Variants in HUWE1 observed in about 807,000 individuals in gnomAD.
HUWE1 encodes the protein HECT, UBA and WWE domain containing E3 ubiquitin protein ligase 1.
HUWE1 carries 18 observed loss-of-function variants against 299.4 expected under a neutral mutation model. The ratio of observed to expected loss-of-function variants is 0.06; its 90% CI spans 0.04 to 0.09. The LOEUF (loss-of-function observed/expected upper bound fraction) is 0.09, where lower values mean the gene tolerates loss of function less well. Among genes scored for constraint, HUWE1 ranks in the 10% least tolerant of loss-of-function variants. The pLI, the probability that HUWE1 is intolerant of heterozygous loss-of-function variation, is 1.00. For missense variants in HUWE1, 1,832 were observed against 3,462.3 expected (o/e 0.53, Z 11.82); for synonymous variants, 1,317 against 1,286.1 (o/e 1.02, Z -0.51).
intron 49 of HUWE1, among the ~76,000 whole-genome samples, chrX:53,568,162 G>T (rs2062658098): frequency 8.9e-6 from 1 of 112,042 alleles, no homozygotes; most frequent in Non-Finnish European, 1.9e-5. Flanking sequence ...TTCTGGTTTG[G>T]AGAAAAATGC....
chrX:53,618,540 A>G (rs2148869605), intron 19 of HUWE1, among the ~76,000 whole-genome samples: 1 of 110,449 alleles, frequency 9.1e-6, no homozygotes, highest in South Asian at 3.8e-4. Context: ...GTGACAGCAA[A>G]GCAGACTAGA....
At chrX:53,665,736 A>T (rs782570443) in intron 3 of HUWE1, among the ~76,000 whole-genome samples, 1 of 112,826 alleles carries the variant, frequency 8.9e-6, no homozygotes, top group African/African-American at 3.2e-5. Flanking sequence ...AACAAAAAAT[A>T]AAAACAGCAA....
intron 2 of HUWE1, among the ~76,000 whole-genome samples, chrX:53,683,004 C>G (rs1557054078): frequency 9.0e-6 from 1 of 111,677 alleles, no homozygotes; most frequent in Non-Finnish European, 1.9e-5. Context: ...CAGAGTCATA[C>G]AAACATGAAG....
chrX:53,535,231 A>G (rs1214183133), intron 81 of HUWE1, among the ~76,000 whole-genome samples, 153 bp downstream of exon 81: 1 of 112,180 alleles, frequency 8.9e-6, no homozygotes, highest in East Asian at 2.8e-4. Context: ...CACCGTGCCC[A>G]AAGTTAAGTA....
chrX:53,652,185 T>C (rs1557040561), intron 4 of HUWE1, among the ~76,000 whole-genome samples: 1 of 112,361 alleles, frequency 8.9e-6, no homozygotes, highest in Non-Finnish European at 1.9e-5. Flanking sequence ...CTTTTTAATT[T>C]TGGATACAGT....
chrX:53,670,399 T>C (rs1774323628), intron 3 of HUWE1, among the ~76,000 whole-genome samples: 5 of 111,386 alleles, frequency 4.5e-5, no homozygotes, highest in Admixed American at 9.6e-5. Context: ...TTCACCACTA[T>C]CCAGCCATGT....
chrX:53,552,375 A>C lies in HUWE1; in HGVS notation c.8817T>G (p.Asp2939Glu). 1 of 1,211,621 alleles carries C rather than the reference A, an allele frequency of 8.3e-7. No individual in the cohort carries two copies. The highest frequency in any genetic ancestry group is 1.1e-6 in the Non-Finnish European group (1 of 895,268). The change falls in exon 63 of 84, where the codon GAT (aspartate) becomes GAG (glutamate). Residue 2939 changes from aspartate to glutamate, a missense_variant. Physicochemically the swap from Asp to Glu is conservative, Grantham distance 45. Around this residue, in one of 15 missense-constraint regions of HUWE1, gnomAD observed 91 missense variants for 281.2 expected, o/e 0.32. Transcript: ENST00000262854. The part of the protein sequence containing the change: ...RDSAVAISGA[D>E]SRGILEEPLP... ...ACGGCTCTTCTAGGATTCCTCGGGA[A>C]TCTGCTCCAGAAATGGCCACGGCAG... is the stretch of plus-strand genomic sequence containing the variant.
In HUWE1 at chrX:53,550,979, G is replaced by A; in HGVS notation, c.9307C>T (p.Arg3103Trp). 1 of 1,211,569 alleles carries A rather than the reference G, an allele frequency of 8.3e-7. No individual in the cohort carries two copies. ...AQALRREQEA[R>W]QRQLMHERLF... ...CGCTCATGCATGAGCTGTCGCTGCC[G>A]GGCTTCTTGCTCTCGTCTCAGGGCT... The change falls in exon 65 of 84, where the codon CGG becomes TGG. Residue 3103 changes from arginine (R) to tryptophan (W), a missense_variant. By Grantham distance (101) the Arg-to-Trp change is moderately radical (BLOSUM62 -3). Coordinates refer to ENST00000262854, the MANE Select transcript of HUWE1 (RefSeq NM_031407.7).
intron 29 of HUWE1, among the ~76,000 whole-genome samples, chrX:53,598,057 A>G (rs3008198): frequency 5.9e-4 from 66 of 111,753 alleles, no homozygotes; most frequent in African/African-American, 1.9e-3. Context: ...TCAGGATATG[A>G]ATCTCAGTGA....
At chrX:53,592,018 A>T (rs1445591250) in intron 33 of HUWE1, among the ~76,000 whole-genome samples, 4 of 111,927 alleles carry the variant, frequency 3.6e-5, no homozygotes, top group African/African-American at 1.3e-4. Flanking sequence ...TTTTATTTGC[A>T]AGTGAAAACA....
intron 43 of HUWE1, among the ~76,000 whole-genome samples, chrX:53,578,602 G>A (rs1556962408): frequency 1.1e-5 from 1 of 92,408 alleles, no homozygotes. Flanking sequence ...CCCCTGCCCG[G>A]CCAGCCGCCC....
intron 2 of HUWE1, among the ~76,000 whole-genome samples, chrX:53,682,346 C>T (rs1192713687): frequency 8.9e-6 from 1 of 112,027 alleles, no homozygotes; most frequent in East Asian, 2.8e-4. Context: ...CCAAAACACA[C>T]ACTATTAATT....
intron 68 of HUWE1, among the ~76,000 whole-genome samples, chrX:53,547,370 C>T (rs1293272657): frequency 8.9e-6 from 1 of 111,750 alleles, no homozygotes; most frequent in Non-Finnish European, 1.9e-5. Flanking sequence ...AACTTTCTTT[C>T]CTCCTTCTGG....
At chrX:53,631,118 CAACTA>C in intron 11 of HUWE1, 84 bp from the exon 12 acceptor site, 2 of 621,867 alleles carry the variant, frequency 3.2e-6, no homozygotes, top group South Asian at 4.6e-5. Context: ...AAAAACAACA[CAACTA>C]AACGTTTTCT....
intron 16 of HUWE1, 52 bp downstream of exon 16, chrX:53,627,687 G>T: frequency 9.1e-7 from 1 of 1,101,505 alleles, no homozygotes; most frequent in Non-Finnish European, 1.3e-6. Context: ...CAATCCTTAG[G>T]TTCAGCTCTG....
intron 44 of HUWE1, among the ~76,000 whole-genome samples, chrX:53,575,994 T>A (rs1390185387): frequency 8.9e-6 from 1 of 112,527 alleles, no homozygotes; most frequent in African/African-American, 3.2e-5. Context: ...TTAGTCTCAC[T>A]TTCCTAAGCT....
chrX:53,542,830 T>G (rs2147087476), intron 73 of HUWE1: 1 of 323,449 alleles, frequency 3.1e-6, no homozygotes, highest in East Asian at 6.0e-5. Flanking sequence ...TATATAGACT[T>G]CAAGTCTTCT....
At chrX:53,592,922 G>A (rs1447282834) in intron 32 of HUWE1, among the ~76,000 whole-genome samples, 1 of 111,538 alleles carries the variant, frequency 9.0e-6, no homozygotes, top group Non-Finnish European at 1.9e-5. Flanking sequence ...TTGTCTTCAT[G>A]ATAGTGAGTT....
At position 53,533,267 on chromosome X, in the gene HUWE1, A is replaced by C. The variant is rs781848915; in HGVS notation, c.*42T>G. The C allele has an allele frequency of 4.4e-6, 4 of 907,342 alleles. No individual in the cohort carries two copies. The African/African-American group carries it at 7.8e-5, about 18-fold the overall frequency. The allele number at this position is 907,342 out of a possible 1,213,427, so 74.8% of individuals were successfully genotyped here. A position where few individuals can be genotyped will look rare whatever the true frequency, so the allele number is the denominator to read the frequency against. ...TTTTAACTCCCCCCTCCCCAGGTCC[A>C]ACAATGGTAAAAAAAACCCCACGGA... On this transcript the variant is annotated 3_prime_UTR_variant, in exon 84 of 84. Transcript: ENST00000262854.
Sources: allele counts gnomAD v4.1 joint callset (sites outside exome capture counted in the v4.1 genomes callset), GRCh38; gene constraint gnomAD v4.1.1; regional missense constraint gnomAD v4.1.1; transcripts MANE v1.5; gene names NCBI Gene and HGNC (gene_info 2026-07-23, HGNC 2026-07-21).